Variants in PTPRD observed in about 807,000 individuals in gnomAD.
PTPRD encodes receptor-type tyrosine-protein phosphatase delta.
A neutral mutation model predicts 214.5 loss-of-function variants in PTPRD; 34 were observed. The ratio of observed to expected loss-of-function variants is 0.16; its 90% CI spans 0.12 to 0.21. The LOEUF (loss-of-function observed/expected upper bound fraction) is 0.21, where lower values mean the gene tolerates loss of function less well. PTPRD is among the 10% of genes least tolerant of loss of function. The probability of loss-of-function intolerance (pLI) is 1.00; values close to 1 mark genes in which losing one functional copy is unlikely to be tolerated. For missense variants in PTPRD, 2,545 were observed against 2,398.7 expected (o/e 1.06, Z -1.27); for synonymous variants, 1,128 against 845.7 (o/e 1.33, Z -5.79).
At chr9:8,932,585 T>C (rs916281988) in intron 11 of PTPRD, among the ~76,000 whole-genome samples, 1 of 152,188 alleles carries the variant, frequency 6.6e-6, no homozygotes, top group African/African-American at 2.4e-5. Flanking sequence ...AGGAGGAATC[T>C]GGAGATTCAG....
intron 3 of PTPRD, among the ~76,000 whole-genome samples, chr9:10,254,217 C>A (rs1206614560): frequency 6.6e-6 from 1 of 152,120 alleles, no homozygotes; most frequent in Non-Finnish European, 1.5e-5. Flanking sequence ...GTTGGCAAAT[C>A]ATCTGTGGGT....
At chr9:9,151,854 G>C (rs191762332) in intron 10 of PTPRD, among the ~76,000 whole-genome samples, 180 of 152,258 alleles carry the variant, frequency 1.2e-3, no homozygotes, top group African/African-American at 4.1e-3. Context: ...GGCCAGTTAG[G>C]TGATAGCACC....
At chr9:8,900,865 TATA>T (rs1291356519) in intron 11 of PTPRD, among the ~76,000 whole-genome samples, 8 of 152,226 alleles carry the variant, frequency 5.3e-5, no homozygotes, top group Non-Finnish European at 7.3e-5. Context: ...GGCATATTGA[TATA>T]ATATTTTTGG....
intron 14 of PTPRD, among the ~76,000 whole-genome samples, chr9:8,551,289 C>A (rs1171018454): frequency 6.6e-6 from 1 of 152,038 alleles, no homozygotes; most frequent in African/African-American, 2.4e-5. Flanking sequence ...AGGAAATGTT[C>A]TGCTTTATAT....
chr9:8,351,262 C>A (rs1305790938), intron 39 of PTPRD, among the ~76,000 whole-genome samples: 2 of 152,102 alleles, frequency 1.3e-5, no homozygotes, highest in Non-Finnish European at 2.9e-5. Flanking sequence ...AAAGTCCATT[C>A]AGGATTACAT....
At chr9:10,609,731 C>T (rs908432645) in intron 2 of PTPRD, among the ~76,000 whole-genome samples, 2 of 152,036 alleles carry the variant, frequency 1.3e-5, no homozygotes, top group Non-Finnish European at 2.9e-5. Context: ...CTTCCAATAT[C>T]ACATCTAATT....
At chr9:9,960,616 C>T (rs962347494) in intron 4 of PTPRD, among the ~76,000 whole-genome samples, 2 of 152,006 alleles carry the variant, frequency 1.3e-5, no homozygotes, top group African/African-American at 2.4e-5. Flanking sequence ...GGTATTTCCT[C>T]CCAACAACCA....
intron 10 of PTPRD, among the ~76,000 whole-genome samples, chr9:9,133,458 A>G (rs1454737026): frequency 6.6e-6 from 1 of 152,224 alleles, no homozygotes; most frequent in African/African-American, 2.4e-5. Flanking sequence ...AATTCATTTT[A>G]AGAAATTAAG....
At chr9:8,729,727 G>C (rs976666817) in intron 12 of PTPRD, among the ~76,000 whole-genome samples, 2 of 152,170 alleles carry the variant, frequency 1.3e-5, no homozygotes, top group Admixed American at 1.3e-4. Flanking sequence ...CTAAAAGCAT[G>C]ATTTACCAAA....
chr9:10,546,783 T>C (rs556782467), intron 2 of PTPRD, among the ~76,000 whole-genome samples: 1 of 152,184 alleles, frequency 6.6e-6, no homozygotes, highest in East Asian at 1.9e-4. Context: ...TACATATGAA[T>C]AACAATGTTT....
At chr9:8,669,162 C>T (rs888490370) in intron 12 of PTPRD, among the ~76,000 whole-genome samples, 1 of 152,066 alleles carries the variant, frequency 6.6e-6, no homozygotes, top group Admixed American at 6.5e-5. Flanking sequence ...AGACAGTGGC[C>T]TCTTATTCCT....
intron 12 of PTPRD, among the ~76,000 whole-genome samples, chr9:8,683,594 T>A (rs2097597696): frequency 6.6e-6 from 1 of 152,190 alleles, no homozygotes; most frequent in Non-Finnish European, 1.5e-5. Flanking sequence ...TTCTTGCCAG[T>A]CCTATGGCAG....
chr9:10,042,904 A>G (rs2097323142), intron 3 of PTPRD, among the ~76,000 whole-genome samples: 2 of 151,952 alleles, frequency 1.3e-5, no homozygotes, highest in Admixed American at 1.3e-4. Flanking sequence ...TATTTGTGAA[A>G]AAGTCTTTGA....
intron 25 of PTPRD, among the ~76,000 whole-genome samples, chr9:8,499,147 T>C (rs2097341386): frequency 6.6e-6 from 1 of 152,324 alleles, no homozygotes; most frequent in East Asian, 1.9e-4. Context: ...ATGAGTTTCA[T>C]CAAATATGTA....
intron 9 of PTPRD, among the ~76,000 whole-genome samples, chr9:9,345,987 TAGA>T: frequency 6.6e-6 from 1 of 152,280 alleles, no homozygotes; most frequent in Non-Finnish European, 1.5e-5. Context: ...GAACTCTTTT[TAGA>T]AGATTTCAGG....
At chr9:8,880,079 C>G (rs1202251874) in intron 11 of PTPRD, among the ~76,000 whole-genome samples, 2 of 152,120 alleles carry the variant, frequency 1.3e-5, no homozygotes, top group East Asian at 3.9e-4. Flanking sequence ...TGAAATGTAG[C>G]CTTTCAAATA....
At chr9:10,584,199 GA>G (rs901784494) in intron 2 of PTPRD, among the ~76,000 whole-genome samples, 104 of 147,314 alleles carry the variant, frequency 7.1e-4, no homozygotes, top group African/African-American at 2.5e-3. Context: ...AAAAAAGAAA[GA>G]AAAAAAAAGA....
chr9:9,941,810 G>A (rs2091528051), intron 4 of PTPRD, among the ~76,000 whole-genome samples: 1 of 152,084 alleles, frequency 6.6e-6, no homozygotes, highest in African/African-American at 2.4e-5. Flanking sequence ...AAGCCTTGCT[G>A]GAAAATTCAT....
chr9:8,547,205 A>G (rs1203645911), intron 14 of PTPRD, among the ~76,000 whole-genome samples: 1 of 152,236 alleles, frequency 6.6e-6, no homozygotes, highest in Non-Finnish European at 1.5e-5. Context: ...CACATTTCCC[A>G]TAACAGTCTG....
Sources: allele counts gnomAD v4.1 joint callset (sites outside exome capture counted in the v4.1 genomes callset), GRCh38; gene constraint gnomAD v4.1.1; transcripts MANE v1.5; gene names NCBI Gene and HGNC (gene_info 2026-07-23, HGNC 2026-07-21).